Variants in SLC24A3 observed in about 807,000 individuals in gnomAD.
SLC24A3 encodes sodium/potassium/calcium exchanger 3.
SLC24A3 carries 28 observed loss-of-function variants against 75.8 expected under a neutral mutation model. The ratio of observed to expected loss-of-function variants is 0.37; its 90% CI spans 0.27 to 0.51. SLC24A3 has a LOEUF of 0.51. Ranked by LOEUF, SLC24A3 falls within the 20% of genes least tolerant of loss-of-function variation. The pLI, the probability that SLC24A3 is intolerant of heterozygous loss-of-function variation, is 0.94. For synonymous variants in SLC24A3, 372 were observed against 334.1 expected (o/e 1.11, Z -1.24); for missense variants, 663 against 847.8 (o/e 0.78, Z 2.71).
At chr20:19,603,856 G>A (rs2031561378) in intron 6 of SLC24A3, among the ~76,000 whole-genome samples, 2 of 152,196 alleles carry the variant, frequency 1.3e-5, no homozygotes, top group East Asian at 1.9e-4. Flanking sequence ...GAGCTGGTGC[G>A]TATGAGAGCA....
At chr20:19,446,585 A>G (rs1987389700) in intron 2 of SLC24A3, among the ~76,000 whole-genome samples, 1 of 152,196 alleles carries the variant, frequency 6.6e-6, no homozygotes, top group Admixed American at 6.5e-5. Flanking sequence ...AAGTTTGGGC[A>G]GTGAATGTCA....
chr20:19,536,381 G>C (rs1447396374), intron 3 of SLC24A3, among the ~76,000 whole-genome samples: 1 of 152,130 alleles, frequency 6.6e-6, no homozygotes, highest in Admixed American at 6.5e-5. Flanking sequence ...GCATGACTCT[G>C]AGGACAGATG....
At chr20:19,585,886 A>AT (rs1433530901) in intron 6 of SLC24A3, among the ~76,000 whole-genome samples, 1 of 152,186 alleles carries the variant, frequency 6.6e-6, no homozygotes, top group Non-Finnish European at 1.5e-5. Flanking sequence ...AATTTTAGGT[A>AT]TGATTTTTGC....
At chr20:19,299,845 C>A (rs930750313) in intron 2 of SLC24A3, among the ~76,000 whole-genome samples, 3 of 152,182 alleles carry the variant, frequency 2.0e-5, no homozygotes, top group African/African-American at 7.2e-5. Context: ...TAATCCCTCA[C>A]TGGGCTCTAC....
chr20:19,685,674 G>A (rs536337680), intron 12 of SLC24A3, among the ~76,000 whole-genome samples: 7 of 152,276 alleles, frequency 4.6e-5, no homozygotes, highest in African/African-American at 1.7e-4. Context: ...CTGAGACAAC[G>A]AATATTGCCA....
At chr20:19,270,230 C>T (rs1397305713) in intron 1 of SLC24A3, among the ~76,000 whole-genome samples, 2 of 152,124 alleles carry the variant, frequency 1.3e-5, no homozygotes, top group African/African-American at 2.4e-5. Flanking sequence ...CCCAGCTGCT[C>T]AAAGTGGTGC....
At chr20:19,505,632 T>C (rs1191130463) in intron 2 of SLC24A3, among the ~76,000 whole-genome samples, 1 of 152,134 alleles carries the variant, frequency 6.6e-6, no homozygotes, top group African/African-American at 2.4e-5. Context: ...TTAGTTGTGC[T>C]GGGAACCCTT....
At chr20:19,665,191 C>T (rs2032382816) in intron 7 of SLC24A3, among the ~76,000 whole-genome samples, 1 of 152,186 alleles carries the variant, frequency 6.6e-6, no homozygotes, top group Non-Finnish European at 1.5e-5. Flanking sequence ...TAATAATCTT[C>T]CTTAGTGAAA....
intron 8 of SLC24A3, among the ~76,000 whole-genome samples, chr20:19,673,155 C>T (rs1460557307): frequency 6.6e-6 from 1 of 152,190 alleles, no homozygotes. Context: ...CTGCCTGCCT[C>T]TCTCCCCACT....
Position 19,592,793 on chromosome 20 carries a change from C to CTTTTTTTTTT in SLC24A3, c.612+7252_612+7253insTTTTTTTTTT, listed in dbSNP as rs11471623. Among the ~76,000 whole-genome samples the CTTTTTTTTTT allele has an allele frequency of 1.5e-4, 18 of 119,680 alleles. 2 individuals are homozygous for CTTTTTTTTTT. Among genetic ancestry groups the CTTTTTTTTTT allele is most frequent in the African/African-American group, 2.1e-4 (7 of 33,106 alleles). The allele number at this position is 119,680 out of a possible 152,430, so 78.5% of individuals were successfully genotyped here. A position where few individuals can be genotyped will look rare whatever the true frequency, so the allele number is the denominator to read the frequency against. On this transcript the variant is annotated intron_variant, in intron 6 of 16. Transcript: ENST00000328041. ...TCTTCGGCAAAAATTTTCTTTCTTT[C>CTTTTTTTTTT]TTTCTTTTTTTTTTTTTTTTGAGAT...
intron 3 of SLC24A3, among the ~76,000 whole-genome samples, chr20:19,515,860 CA>C (rs754697743): frequency 1.4e-4 from 22 of 152,232 alleles, no homozygotes; most frequent in Admixed American, 2.0e-4. Flanking sequence ...GCTCAAACAC[CA>C]CCCTCTTGGG....
intron 3 of SLC24A3, among the ~76,000 whole-genome samples, chr20:19,537,692 C>T (rs2030423455): frequency 6.6e-6 from 1 of 152,084 alleles, no homozygotes; most frequent in Non-Finnish European, 1.5e-5. Context: ...GAATACTATG[C>T]AGCCATAAAA....
At chr20:19,405,104 T>A (rs968286622) in intron 2 of SLC24A3, among the ~76,000 whole-genome samples, 1 of 152,082 alleles carries the variant, frequency 6.6e-6, no homozygotes, top group African/African-American at 2.4e-5. Context: ...AGAAATCACA[T>A]CTTTTCAGCT....
At chr20:19,320,828 T>A (rs1984690672) in intron 2 of SLC24A3, among the ~76,000 whole-genome samples, 1 of 152,178 alleles carries the variant, frequency 6.6e-6, no homozygotes. Context: ...GAAAACAGTC[T>A]GTACATGTTC....
intron 1 of SLC24A3, among the ~76,000 whole-genome samples, chr20:19,248,546 G>A (rs1381158716): frequency 6.6e-6 from 1 of 152,106 alleles, no homozygotes; most frequent in Non-Finnish European, 1.5e-5. Flanking sequence ...TACCCTTTTG[G>A]CGGAAATGTA....
chr20:19,689,631 C>T (rs1285984187), intron 12 of SLC24A3, among the ~76,000 whole-genome samples: 1 of 152,170 alleles, frequency 6.6e-6, no homozygotes, highest in Non-Finnish European at 1.5e-5. Flanking sequence ...CCCCTTGTTG[C>T]TCTATTTTGA....
intron 7 of SLC24A3, among the ~76,000 whole-genome samples, chr20:19,661,813 G>A (rs1389983835): frequency 6.6e-6 from 1 of 152,008 alleles, no homozygotes; most frequent in Non-Finnish European, 1.5e-5. Flanking sequence ...TATACTAGGG[G>A]CTCCTGGCTC....
chr20:19,426,536 C>G (rs1309794829), intron 2 of SLC24A3, among the ~76,000 whole-genome samples: 1 of 152,152 alleles, frequency 6.6e-6, no homozygotes, highest in Non-Finnish European at 1.5e-5. Flanking sequence ...TAGCCAGTGT[C>G]CTAGGGATAG....
chr20:19,327,771 A>G (rs1984904805), intron 2 of SLC24A3, among the ~76,000 whole-genome samples: 1 of 152,048 alleles, frequency 6.6e-6, no homozygotes, highest in Non-Finnish European at 1.5e-5. Flanking sequence ...CCATTTCCAC[A>G]AGATTATGTA....
Sources: allele counts gnomAD v4.1 joint callset (sites outside exome capture counted in the v4.1 genomes callset), GRCh38; gene constraint gnomAD v4.1.1; transcripts MANE v1.5; gene names NCBI Gene and HGNC (gene_info 2026-07-23, HGNC 2026-07-21).